FANCB: variants seen among roughly 807,000 people sequenced by gnomAD.
FANCB encodes the protein Fanconi anemia group B protein.
A neutral mutation model predicts 38.9 loss-of-function variants in FANCB; 5 were observed. The ratio of observed to expected loss-of-function variants is 0.13; its 90% CI spans 0.07 to 0.27. The LOEUF (loss-of-function observed/expected upper bound fraction) is 0.27, where lower values mean the gene tolerates loss of function less well. FANCB is among the 10% of genes least tolerant of loss of function. The pLI, the probability that FANCB is intolerant of heterozygous loss-of-function variation, is 1.00. For missense variants in FANCB, 573 were observed against 602.7 expected (o/e 0.95, Z 0.52); for synonymous variants, 236 against 215.4 (o/e 1.10, Z -0.84).
chrX:14,697,889 G>A, the FANCB span, among the ~76,000 whole-genome samples: 3 of 111,713 alleles, frequency 2.7e-5, no homozygotes, highest in South Asian at 3.7e-4. Flanking sequence ...TTTTAACTAC[G>A]TTTTATTGTT....
the FANCB span, among the ~76,000 whole-genome samples, chrX:14,754,224 T>C: frequency 1.8e-5 from 2 of 112,611 alleles, no homozygotes; most frequent in African/African-American, 3.2e-5. Context: ...GACATTACAA[T>C]TGAAGACATA....
chrX:14,744,435 G>A, the FANCB span, among the ~76,000 whole-genome samples: 5 of 112,101 alleles, frequency 4.5e-5, no homozygotes, highest in African/African-American at 1.3e-4. Context: ...TGCAAGCAAG[G>A]AGTTCCAGAA....
chrX:14,823,932 AAAG>A, the FANCB span, among the ~76,000 whole-genome samples: 4 of 111,475 alleles, frequency 3.6e-5, no homozygotes, highest in African/African-American at 9.8e-5. Context: ...TTGAGAGGCC[AAAG>A]AAGAGACCCA....
the FANCB span, among the ~76,000 whole-genome samples, chrX:14,698,681 C>CA: frequency 0.03 from 628 of 21,052 alleles, 39 homozygotes; most frequent in East Asian, 0.041. Flanking sequence ...CTATCTATCT[C>CA]AAAAAAAAAA....
chrX:14,741,504 A>AT, the FANCB span, among the ~76,000 whole-genome samples: 3 of 111,442 alleles, frequency 2.7e-5, no homozygotes, highest in Non-Finnish European at 5.6e-5. Context: ...CTCAGAATAA[A>AT]TCGCCCCAGC....
the FANCB span, among the ~76,000 whole-genome samples, chrX:14,790,148 G>A: frequency 9.0e-6 from 1 of 111,699 alleles, no homozygotes; most frequent in African/African-American, 3.3e-5. Context: ...CTGCCATTAT[G>A]GAGCTAACAT....
At chrX:14,718,699 C>T in the FANCB span, among the ~76,000 whole-genome samples, 3 of 111,976 alleles carry the variant, frequency 2.7e-5, no homozygotes, top group Non-Finnish European at 5.6e-5. Flanking sequence ...ATCAGAGTGC[C>T]TACACATAGT....
chrX:14,867,596 T>G (rs759839580), intron 2 of FANCB, among the ~76,000 whole-genome samples: 1 of 111,149 alleles, frequency 9.0e-6, no homozygotes, highest in Non-Finnish European at 1.9e-5. Context: ...ATTAAAGGCT[T>G]AAATGTAAAC....
At chrX:14,853,763 G>A (rs2092411956) in intron 5 of FANCB, among the ~76,000 whole-genome samples, 1 of 111,375 alleles carries the variant, frequency 9.0e-6, no homozygotes, top group Non-Finnish European at 1.9e-5. Context: ...TAACAATTTG[G>A]CTCTGAACTG....
intron 3 of FANCB, among the ~76,000 whole-genome samples, chrX:14,862,780 T>G (rs2092452588): frequency 8.9e-6 from 1 of 111,769 alleles, no homozygotes; most frequent in South Asian, 3.7e-4. Flanking sequence ...CCAAATTTCA[T>G]AAAGGAGGAA....
the FANCB span, among the ~76,000 whole-genome samples, chrX:14,711,771 G>A: frequency 2.7e-5 from 3 of 112,774 alleles, no homozygotes; most frequent in Non-Finnish European, 5.6e-5. Flanking sequence ...ACAATGGTTA[G>A]TGGCAGAGCC....
chrX:14,705,116 T>A, the FANCB span, among the ~76,000 whole-genome samples: 4 of 112,354 alleles, frequency 3.6e-5, no homozygotes, highest in Non-Finnish European at 5.6e-5. Flanking sequence ...GATTAAATAA[T>A]TAAATAGGTA....
At chrX:14,794,304 A>G in the FANCB span, among the ~76,000 whole-genome samples, 1 of 111,363 alleles carries the variant, frequency 9.0e-6, no homozygotes, top group African/African-American at 3.3e-5. Flanking sequence ...AGATGATGCA[A>G]AAGTTTTTAT....
chrX:14,871,819 T>C (rs1366736579), intron 1 of FANCB, among the ~76,000 whole-genome samples: 1 of 83,634 alleles, frequency 1.2e-5, no homozygotes, highest in Non-Finnish European at 2.5e-5. Context: ...TAGTGCCATG[T>C]ACTATTTTTT....
At chrX:14,740,173 T>G in the FANCB span, among the ~76,000 whole-genome samples, 3 of 112,073 alleles carry the variant, frequency 2.7e-5, no homozygotes, top group Non-Finnish European at 5.6e-5. Context: ...AATCATTTCT[T>G]ATACTATTTC....
chrX:14,788,565 A>AT, the FANCB span, among the ~76,000 whole-genome samples: 1 of 112,083 alleles, frequency 8.9e-6, no homozygotes, highest in African/African-American at 3.2e-5. Flanking sequence ...AGGGTTCCCT[A>AT]TAGGCAGAGC....
At chrX:14,839,089 T>A (rs749635665), downstream of FANCB, among the ~76,000 whole-genome samples, 1 of 110,226 alleles carries the variant, frequency 9.1e-6, no homozygotes, top group South Asian at 3.9e-4. Flanking sequence ...AGGTCAGGAG[T>A]TCAAGATGAG....
intron 2 of FANCB, among the ~76,000 whole-genome samples, chrX:14,868,232 A>G (rs1310239809): frequency 8.9e-6 from 1 of 111,816 alleles, no homozygotes; most frequent in Non-Finnish European, 1.9e-5. Flanking sequence ...AATGAAATCA[A>G]TGTCAAAGAG....
At chrX:14,835,178 A>C (rs763687922), downstream of FANCB, 121 of 528,392 alleles carry the variant, frequency 2.3e-4, no homozygotes, top group Middle Eastern at 1.7e-3. Context: ...CCAGTCCCTA[A>C]ACAGACCGTT....
Sources: allele counts gnomAD v4.1 joint callset (sites outside exome capture counted in the v4.1 genomes callset), GRCh38; gene constraint gnomAD v4.1.1; transcripts MANE v1.5; gene names NCBI Gene and HGNC (gene_info 2026-07-23, HGNC 2026-07-21).